Variants in SYNDIG1 observed in about 807,000 individuals in gnomAD.
SYNDIG1 encodes synapse differentiation inducing 1.
In SYNDIG1, 9 loss-of-function variants were observed where a neutral mutation model predicts 19.4. The ratio of observed to expected loss-of-function variants is 0.46; its 90% CI spans 0.28 to 0.81. The LOEUF is 0.81. Ranked by LOEUF, SYNDIG1 falls within the 30% of genes least tolerant of loss-of-function variation. SYNDIG1 has a pLI of 0.12. For missense variants in SYNDIG1, 311 were observed against 343.3 expected, an observed-to-expected ratio of 0.91 and a Z score of 0.74; for synonymous variants, 141 against 145.9, an observed-to-expected ratio of 0.97 and a Z score of 0.24.
At chr20:24,665,293 T>A in intron 3 of SYNDIG1, 53 bp from the exon 4 acceptor site, 1 of 1,559,868 alleles carries the variant, frequency 6.4e-7, no homozygotes, top group Non-Finnish European at 8.6e-7. Context: ...CTCCACTCAC[T>A]GCTTGTTCCG....
At chr20:24,567,921 G>GT (rs1405361020) in intron 2 of SYNDIG1, among the ~76,000 whole-genome samples, 1 of 152,242 alleles carries the variant, frequency 6.6e-6, no homozygotes, top group Non-Finnish European at 1.5e-5. Context: ...ATCATCTGAG[G>GT]TTAGGGGTTT....
intron 3 of SYNDIG1, among the ~76,000 whole-genome samples, chr20:24,638,069 C>G (rs1158967012): frequency 6.6e-6 from 1 of 152,224 alleles, no homozygotes; most frequent in Non-Finnish European, 1.5e-5. Flanking sequence ...TTTAGCCTCA[C>G]GCAGTCCTAA....
At chr20:24,494,049 C>T (rs970835262) in intron 1 of SYNDIG1, among the ~76,000 whole-genome samples, 7 of 152,176 alleles carry the variant, frequency 4.6e-5, no homozygotes, top group African/African-American at 1.7e-4. Context: ...CCCGGCCACA[C>T]CCCTGCTCGC....
chr20:24,553,935 C>A (rs2057759778), intron 2 of SYNDIG1, among the ~76,000 whole-genome samples: 1 of 152,146 alleles, frequency 6.6e-6, no homozygotes, highest in Admixed American at 6.5e-5. Flanking sequence ...TTCTTCCTAC[C>A]CATGAGCATG....
At chr20:24,584,761 C>G (rs1040182951) in intron 2 of SYNDIG1, 95 bp from the exon 3 acceptor site, 1 of 1,562,996 alleles carries the variant, frequency 6.4e-7, no homozygotes, top group Non-Finnish European at 8.7e-7. Flanking sequence ...GGAGGGCCTG[C>G]GCCAGCCAGG....
chr20:24,553,467 C>T (rs2146812955), intron 2 of SYNDIG1, among the ~76,000 whole-genome samples: 1 of 152,210 alleles, frequency 6.6e-6, no homozygotes, highest in African/African-American at 2.4e-5. Flanking sequence ...GTCCTTAATC[C>T]ATCTTGAATT....
intron 1 of SYNDIG1, among the ~76,000 whole-genome samples, chr20:24,521,544 A>C (rs1011637605): frequency 4.3e-5 from 6 of 140,950 alleles, no homozygotes; most frequent in African/African-American, 1.6e-4. Flanking sequence ...AATAATATGA[A>C]TTTTAAAGGC....
At chr20:24,476,700 C>G (rs919791058) in intron 1 of SYNDIG1, among the ~76,000 whole-genome samples, 3 of 150,536 alleles carry the variant, frequency 2.0e-5, no homozygotes, top group African/African-American at 7.3e-5. Context: ...ACAAAAAAAA[C>G]AAAAAAAAAC....
At chr20:24,471,445 T>G (rs985841334) in intron 1 of SYNDIG1, among the ~76,000 whole-genome samples, 2 of 151,842 alleles carry the variant, frequency 1.3e-5, no homozygotes, top group Non-Finnish European at 2.9e-5. Flanking sequence ...CTGTGGGCCC[T>G]GAGGAAGCGC....
chr20:24,563,478 C>T (rs2057983668), intron 2 of SYNDIG1, among the ~76,000 whole-genome samples: 3 of 152,200 alleles, frequency 2.0e-5, no homozygotes, highest in African/African-American at 4.8e-5. Context: ...CACCGGACCC[C>T]TCACCCATCA....
chr20:24,542,066 G>A (rs1305182275), intron 1 of SYNDIG1, among the ~76,000 whole-genome samples: 1 of 152,164 alleles, frequency 6.6e-6, no homozygotes, highest in African/African-American at 2.4e-5. Context: ...AGTCTGTGTT[G>A]AAAGAGATAT....
intron 2 of SYNDIG1, among the ~76,000 whole-genome samples, chr20:24,556,948 C>T (rs895783592): frequency 8.5e-5 from 13 of 152,172 alleles, no homozygotes; most frequent in East Asian, 1.9e-4. Context: ...TACACCAATC[C>T]GATGTAGATT....
chr20:24,607,360 C>CAAA (rs59085965), intron 3 of SYNDIG1, among the ~76,000 whole-genome samples: 4 of 107,456 alleles, frequency 3.7e-5, no homozygotes, highest in Middle Eastern at 6.3e-3. Flanking sequence ...GACTCCGTCT[C>CAAA]AAAAAAAAAA....
Position 24,498,550 on chromosome 20 carries a change from T to A in SYNDIG1, c.-79+28797T>A, listed in dbSNP as rs558752407. Among the ~76,000 whole-genome samples, 232 of 152,282 alleles carry A rather than the reference T, an allele frequency of 1.5e-3. 1 individual carries two copies. The highest frequency in any genetic ancestry group is 4.3e-3 in the African/African-American group (177 of 41,558). Reference sequence around the variant, plus strand: ...CTGCCTCTGGCAGCCACCATTCCACTCTCTGCTGCTGTGAGTTTAACTATG... The same window carrying A: ...CTGCCTCTGGCAGCCACCATTCCACACTCTGCTGCTGTGAGTTTAACTATG... On this transcript the variant is annotated intron_variant, in intron 1 of 3. Transcript: ENST00000376862.
intron 1 of SYNDIG1, among the ~76,000 whole-genome samples, chr20:24,488,851 C>A (rs1311353120): frequency 6.6e-6 from 1 of 152,194 alleles, no homozygotes; most frequent in Non-Finnish European, 1.5e-5. Flanking sequence ...AGGCCTGGTG[C>A]CAGAGCATCC....
rs1322569640 is a variant in SYNDIG1 at position 24,576,200 on chromosome 20, A to G, written c.481-8656A>G. Reference sequence around the variant, plus strand: ...AAGGTACATATATCCTTGTGACTACAGCAAAATCTAATATGTTGCAATTAG... The same window carrying G: ...AAGGTACATATATCCTTGTGACTACGGCAAAATCTAATATGTTGCAATTAG... On this transcript the variant is annotated intron_variant, in intron 2 of 3. Coordinates refer to ENST00000376862, the MANE Select transcript of SYNDIG1 (RefSeq NM_024893.3). 3.3e-5 allele frequency among the ~76,000 whole-genome samples: 5 copies of G among 152,254 alleles called. No individual in the cohort carries two copies. The East Asian group carries it at 9.6e-4, about 29-fold the overall frequency.
At chr20:24,552,221 A>G (rs1220916709) in intron 2 of SYNDIG1, among the ~76,000 whole-genome samples, 1 of 152,196 alleles carries the variant, frequency 6.6e-6, no homozygotes, top group African/African-American at 2.4e-5. Flanking sequence ...CTGTCACTGA[A>G]ACACCAGGGG....
intron 1 of SYNDIG1, among the ~76,000 whole-genome samples, chr20:24,492,299 C>A (rs566732549): frequency 6.6e-6 from 1 of 152,326 alleles, no homozygotes; most frequent in East Asian, 1.9e-4. Flanking sequence ...TTGAGCCTGG[C>A]CTTCAGCGAG....
At chr20:24,582,767 A>G (rs769017231) in intron 2 of SYNDIG1, among the ~76,000 whole-genome samples, 7 of 152,198 alleles carry the variant, frequency 4.6e-5, no homozygotes, top group Non-Finnish European at 1.0e-4. Flanking sequence ...CAGAATAAAG[A>G]GAAGAGAAAT....
Sources: gnomAD v4.1 joint callset for allele counts (sites outside exome capture counted in the v4.1 genomes callset) on GRCh38, gnomAD v4.1.1 for gene constraint, MANE v1.5 for transcripts, NCBI Gene and HGNC (gene_info 2026-07-23, HGNC 2026-07-21) for gene names.